The following KIRREL1 variants were observed in gnomAD, a reference collection of about 807,000 sequenced individuals.
The protein encoded by KIRREL1 is kin of IRRE-like protein 1.
In KIRREL1, 25 loss-of-function variants were observed where a neutral mutation model predicts 83.3. The ratio of observed to expected loss-of-function variants is 0.30; its 90% confidence interval spans 0.22 to 0.42. The LOEUF is 0.42. Ranked by LOEUF, KIRREL1 falls within the 10% of genes least tolerant of loss-of-function variation. The pLI, the probability that KIRREL1 is intolerant of heterozygous loss-of-function variation, is 1.00. For synonymous variants in KIRREL1, 388 were observed against 410.4 expected (o/e 0.95, Z 0.66); for missense variants, 812 against 1,032.3 (o/e 0.79, Z 2.92).
At chr1:158,000,585 G>A (rs547147422) in intron 1 of KIRREL1, among the ~76,000 whole-genome samples, 1 of 152,164 alleles carries the variant, frequency 6.6e-6, no homozygotes, top group African/African-American at 2.4e-5. Flanking sequence ...GATAAAAGCT[G>A]CTGTAGCTCG....
chr1:158,087,390 G>C lies in KIRREL1; in HGVS notation c.662-365G>C, dbSNP rs115808459. Among the ~76,000 whole-genome samples, 983 of 152,156 alleles carry C rather than the reference G, an allele frequency of 6.5e-3. 9 individuals carry two copies. Among genetic ancestry groups the C allele is most frequent in the Admixed American group, 0.021 (314 of 15,294 alleles). On this transcript the variant is annotated intron_variant, in intron 5 of 14. Transcript: ENST00000359209. Reference sequence around the variant, plus strand: ...AGCATGGAGTATTCTTACCTGGTAGGTGTGTAATAAATTGTCTCTCCCCAG... The same window carrying C: ...AGCATGGAGTATTCTTACCTGGTAGCTGTGTAATAAATTGTCTCTCCCCAG...
chr1:158,084,701 C>G, intron 4 of KIRREL1, 122 bp downstream of exon 4: 1 of 1,002,624 alleles, frequency 1.0e-6, no homozygotes, highest in Non-Finnish European at 1.4e-6. Context: ...TAGAGGTCAT[C>G]TGGTTCAACC....
intron 1 of KIRREL1, among the ~76,000 whole-genome samples, chr1:158,015,102 T>TAA (rs1246762308): frequency 6.6e-6 from 1 of 152,176 alleles, no homozygotes; most frequent in African/African-American, 2.4e-5. Context: ...ATGAGTTTCA[T>TAA]AAAGTCACCT....
At chr1:158,065,803 G>T (rs1286233108) in intron 1 of KIRREL1, among the ~76,000 whole-genome samples, 1 of 133,770 alleles carries the variant, frequency 7.5e-6, no homozygotes, top group Non-Finnish European at 1.6e-5. Context: ...TCGCAGCCCG[G>T]ATTTCTGCCT....
chr1:158,062,181 T>A (rs1661231937), intron 1 of KIRREL1, among the ~76,000 whole-genome samples: 1 of 152,312 alleles, frequency 6.6e-6, no homozygotes. Flanking sequence ...CCTCTGCTCT[T>A]GGAGCATTTG....
intron 1 of KIRREL1, among the ~76,000 whole-genome samples, chr1:158,061,175 C>T (rs745953515): frequency 2.0e-5 from 3 of 151,934 alleles, no homozygotes; most frequent in Admixed American, 6.6e-5. Flanking sequence ...AAAGGCTGCT[C>T]GTTGGAATGC....
chr1:158,060,472 C>G (rs552258506), intron 1 of KIRREL1, among the ~76,000 whole-genome samples: 1 of 152,322 alleles, frequency 6.6e-6, no homozygotes, highest in African/African-American at 2.4e-5. Context: ...CTCCTTTGCT[C>G]CCTTTCCCAT....
At chr1:158,076,650 CCGCAAGTGTCT>C (rs761956825) in intron 2 of KIRREL1, among the ~76,000 whole-genome samples, 58 of 152,228 alleles carry the variant, frequency 3.8e-4, no homozygotes, top group Non-Finnish European at 6.0e-4. Flanking sequence ...CTTCTGTGTC[CCGCAAGTGTCT>C]CATGCCGGCC....
intron 1 of KIRREL1, among the ~76,000 whole-genome samples, chr1:158,027,282 C>A (rs80238912): frequency 6.6e-6 from 1 of 152,170 alleles, no homozygotes; most frequent in African/African-American, 2.4e-5. Context: ...GAGCAAGGCA[C>A]GTGGGAAGGA....
intron 3 of KIRREL1, 63 bp from the exon 4 acceptor site, chr1:158,084,359 T>A (rs1487387344): frequency 6.9e-7 from 1 of 1,450,308 alleles, no homozygotes; most frequent in Non-Finnish European, 9.2e-7. Context: ...GAGGCAGGAG[T>A]TTTGGTCTTC....
intron 1 of KIRREL1, among the ~76,000 whole-genome samples, chr1:158,062,358 C>G (rs750834172): frequency 5.9e-5 from 9 of 152,184 alleles, no homozygotes; most frequent in South Asian, 2.1e-4. Flanking sequence ...AATTATGGAG[C>G]CTCCACTCCA....
intron 1 of KIRREL1, among the ~76,000 whole-genome samples, chr1:158,044,483 A>AT (rs1449207790): frequency 6.6e-6 from 1 of 152,098 alleles, no homozygotes; most frequent in Non-Finnish European, 1.5e-5. Context: ...AGTATTAGGC[A>AT]TTTTTTGTTT....
At chr1:158,009,274 G>A (rs1399004651) in intron 1 of KIRREL1, among the ~76,000 whole-genome samples, 4 of 152,166 alleles carry the variant, frequency 2.6e-5, no homozygotes, top group Non-Finnish European at 5.9e-5. Context: ...CCCTAGTCCA[G>A]TGTGCCTGGT....
chr1:158,031,481 G>A (rs1660325649), intron 1 of KIRREL1, among the ~76,000 whole-genome samples: 1 of 152,200 alleles, frequency 6.6e-6, no homozygotes, highest in East Asian at 1.9e-4. Flanking sequence ...GGCCAAGTGG[G>A]ATGGAAGGAG....
chr1:158,067,122 C>T (rs1385117457), intron 1 of KIRREL1, among the ~76,000 whole-genome samples: 1 of 152,144 alleles, frequency 6.6e-6, no homozygotes, highest in African/African-American at 2.4e-5. Flanking sequence ...GGAGTGTTTC[C>T]AGCATCACTT....
chr1:158,089,384 C>T, intron 8 of KIRREL1, 118 bp from the exon 9 acceptor site: 1 of 1,519,850 alleles, frequency 6.6e-7, no homozygotes, highest in Non-Finnish European at 8.9e-7. Flanking sequence ...CATTTCCCTT[C>T]TGGGAATTCA....
chr1:158,024,403 C>G (rs928681418), intron 1 of KIRREL1, among the ~76,000 whole-genome samples: 1 of 151,004 alleles, frequency 6.6e-6, no homozygotes, highest in Non-Finnish European at 1.5e-5. Flanking sequence ...CTCGACCTCC[C>G]TAGTAGCTGG....
chr1:158,084,480 C>CA lies in KIRREL1; in HGVS notation c.411_412insA (p.Pro138ThrfsTer51). 6.4e-7 allele frequency: 1 copy of CA among 1,551,788 alleles called. No individual in the cohort carries two copies. Among genetic ancestry groups the CA allele is most frequent in the Non-Finnish European group, 8.7e-7 (1 of 1,147,012 alleles). ...CTGTGATTCTACTGCAGGCAGGCAC[C>CA]CCCCACAACCTCACATGCCGGGCCT... On this transcript the variant is annotated frameshift_variant, in exon 4 of 15. Transcript: ENST00000359209. LOFTEE classifies it high-confidence loss of function.
chr1:158,053,551 C>T (rs936628921), intron 1 of KIRREL1, among the ~76,000 whole-genome samples: 1 of 152,140 alleles, frequency 6.6e-6, no homozygotes, highest in African/African-American at 2.4e-5. Context: ...TTCTTTGTGC[C>T]CAGAATCCCT....
Sources: allele counts gnomAD v4.1 joint callset (sites outside exome capture counted in the v4.1 genomes callset), GRCh38; gene constraint gnomAD v4.1.1; transcripts MANE v1.5; gene names NCBI Gene and HGNC (gene_info 2026-07-23, HGNC 2026-07-21).